SGMS1: variants seen among roughly 807,000 people sequenced by gnomAD.
SGMS1 encodes the protein sphingomyelin synthase 1.
Under a neutral mutation model 46.2 loss-of-function variants are expected in SGMS1, and 13 were observed. The ratio of observed to expected loss-of-function variants is 0.28; its 90% CI spans 0.18 to 0.45. SGMS1 has a LOEUF of 0.45. Among genes scored for constraint, SGMS1 ranks in the 20% least tolerant of loss-of-function variants. The pLI, the probability that SGMS1 is intolerant of heterozygous loss-of-function variation, is 1.00. For synonymous variants in SGMS1, 203 were observed against 187.8 expected, an observed-to-expected ratio of 1.08 and a Z score of -0.66; for missense variants, 324 against 519.9, an observed-to-expected ratio of 0.62 and a Z score of 3.66.
chr10:50,532,855 T>C (rs1408691021), intron 2 of SGMS1, among the ~76,000 whole-genome samples: 1 of 152,224 alleles, frequency 6.6e-6, no homozygotes, highest in South Asian at 2.1e-4. Flanking sequence ...AATAGACTGA[T>C]AGCTGATTTC....
intron 1 of SGMS1, among the ~76,000 whole-genome samples, chr10:50,608,327 G>A (rs1221417601): frequency 6.6e-6 from 1 of 152,176 alleles, no homozygotes; most frequent in Non-Finnish European, 1.5e-5. Context: ...CTAAATAAAG[G>A]AGGAAGAGCA....
chr10:50,478,518 G>C (rs1837448382), intron 3 of SGMS1, among the ~76,000 whole-genome samples: 2 of 152,064 alleles, frequency 1.3e-5, no homozygotes, highest in Non-Finnish European at 2.9e-5. Flanking sequence ...AAAAAAAATA[G>C]AGCCAAATGA....
At chr10:50,397,954 C>T (rs534758313) in intron 6 of SGMS1, among the ~76,000 whole-genome samples, 62 of 152,246 alleles carry the variant, frequency 4.1e-4, no homozygotes, top group Non-Finnish European at 7.1e-4. Context: ...GCCATTTCGC[C>T]GCTCTTCAGC....
chr10:50,601,355 T>C (rs1219572519), intron 1 of SGMS1, among the ~76,000 whole-genome samples: 1 of 152,234 alleles, frequency 6.6e-6, no homozygotes, highest in Non-Finnish European at 1.5e-5. Flanking sequence ...ACTTGGTAAA[T>C]GACCTCATGT....
rs1049309493 is a variant in SGMS1 at position 50,371,266 on chromosome 10, T to C, written c.-231-26921A>G. ...TTTGTCATTGACCAAAATGTCGTTATGCCACGCATGACTCTCCTTTCCATT... is the reference window on the plus strand; with the variant it reads ...TTTGTCATTGACCAAAATGTCGTTACGCCACGCATGACTCTCCTTTCCATT... On this transcript the variant is annotated intron_variant, in intron 6 of 10. Coordinates refer to ENST00000361781, the MANE Select transcript of SGMS1 (RefSeq NM_147156.4). Among the ~76,000 whole-genome samples, 13 of 152,332 alleles carry C rather than the reference T, an allele frequency of 8.5e-5. No homozygotes were observed. The East Asian group carries it at 2.5e-3, about 29-fold the overall frequency.
rs990705886 is a variant in SGMS1, at chr10:50,556,286, A to T, written c.-589+33867T>A. Among the ~76,000 whole-genome samples, 8 of 152,368 alleles carry T rather than the reference A, an allele frequency of 5.3e-5. 1 individual carries two copies. The highest frequency in any genetic ancestry group is 6.5e-5 in the Admixed American group (1 of 15,308). On this transcript the variant is annotated intron_variant, in intron 2 of 10. Transcript: ENST00000361781. ...GTTGCAGCACTGAAGATAAAGCAGT[A>T]TACACAACCACTGCCCTCAGGACCA...
intron 3 of SGMS1, among the ~76,000 whole-genome samples, chr10:50,517,954 A>G (rs1837820255): frequency 6.6e-6 from 1 of 152,196 alleles, no homozygotes; most frequent in Non-Finnish European, 1.5e-5. Flanking sequence ...AAATTGAGAG[A>G]AGTTACCACC....
chr10:50,522,846 C>T (rs975063649), intron 2 of SGMS1, among the ~76,000 whole-genome samples: 9 of 152,094 alleles, frequency 5.9e-5, no homozygotes, highest in East Asian at 1.9e-4. Context: ...CCTCTGGTAC[C>T]GCCATTCTGT....
intron 2 of SGMS1, among the ~76,000 whole-genome samples, chr10:50,560,178 A>G (rs546200356): frequency 6.9e-6 from 1 of 145,658 alleles, no homozygotes; most frequent in Non-Finnish European, 1.5e-5. Flanking sequence ...TACATTACAT[A>G]TATCAGAATA....
chr10:50,617,103 T>C (rs1838805348), intron 1 of SGMS1, among the ~76,000 whole-genome samples: 1 of 152,136 alleles, frequency 6.6e-6, no homozygotes, highest in African/African-American at 2.4e-5. Flanking sequence ...GACAGATGAT[T>C]GGTATCAGTA....
chr10:50,516,862 C>G (rs1308151051), intron 3 of SGMS1, among the ~76,000 whole-genome samples: 3 of 152,060 alleles, frequency 2.0e-5, no homozygotes, highest in Admixed American at 1.3e-4. Context: ...TTGGTTAGCT[C>G]CAGGTAGAGA....
intron 6 of SGMS1, among the ~76,000 whole-genome samples, chr10:50,389,382 T>A (rs990934771): frequency 2.0e-5 from 3 of 152,230 alleles, no homozygotes; most frequent in Admixed American, 6.5e-5. Context: ...ATTTAGCAAG[T>A]TACCTCATAC....
chr10:50,602,737 T>A (rs1480527297), intron 1 of SGMS1, among the ~76,000 whole-genome samples: 2 of 152,244 alleles, frequency 1.3e-5, no homozygotes, highest in Non-Finnish European at 2.9e-5. Flanking sequence ...TATATGCATT[T>A]ATTGTATTAT....
intron 3 of SGMS1, among the ~76,000 whole-genome samples, chr10:50,487,771 T>C (rs1011881): frequency 0.57 from 86,344 of 151,658 alleles, 24,660 homozygotes; most frequent in Admixed American, 0.66. Flanking sequence ...GCTAATTCAG[T>C]GCTTTGTGGA....
At chr10:50,579,954 A>G (rs1238448930) in intron 2 of SGMS1, among the ~76,000 whole-genome samples, 4 of 152,232 alleles carry the variant, frequency 2.6e-5, no homozygotes, top group African/African-American at 9.6e-5. Flanking sequence ...GATGTAATTG[A>G]TAAGATAGCT....
intron 2 of SGMS1, among the ~76,000 whole-genome samples, chr10:50,589,841 G>A (rs1280363535): frequency 6.6e-6 from 1 of 152,162 alleles, no homozygotes; most frequent in East Asian, 1.9e-4. Flanking sequence ...ACACACTTCA[G>A]TACAAAACTA....
intron 2 of SGMS1, among the ~76,000 whole-genome samples, chr10:50,535,089 C>T (rs908406813): frequency 3.9e-5 from 6 of 151,904 alleles, no homozygotes; most frequent in East Asian, 2.0e-4. Context: ...AAAATTAGCC[C>T]GGCATGGTGG....
At chr10:50,391,737 T>G (rs1272948021) in intron 6 of SGMS1, among the ~76,000 whole-genome samples, 1 of 151,864 alleles carries the variant, frequency 6.6e-6, no homozygotes, top group Non-Finnish European at 1.5e-5. Context: ...CATAGCACTA[T>G]TCACAATGGC....
At chr10:50,436,720 C>G (rs550689876) in intron 5 of SGMS1, among the ~76,000 whole-genome samples, 1 of 152,192 alleles carries the variant, frequency 6.6e-6, no homozygotes, top group Non-Finnish European at 1.5e-5. Context: ...TGGAAGAAGA[C>G]TGGCTGGCAT....
Sources: gnomAD v4.1 joint callset for allele counts (sites outside exome capture counted in the v4.1 genomes callset) on GRCh38, gnomAD v4.1.1 for gene constraint, MANE v1.5 for transcripts, NCBI Gene and HGNC (gene_info 2026-07-23, HGNC 2026-07-21) for gene names.